ENKUR: variants seen among roughly 807,000 people sequenced by gnomAD.
ENKUR encodes the protein enkurin, TRPC channel interacting protein.
Under a neutral mutation model 27.6 loss-of-function variants are expected in ENKUR, and 19 were observed. The ratio of observed to expected loss-of-function variants is 0.69; its 90% CI spans 0.48 to 1.01. The LOEUF (loss-of-function observed/expected upper bound fraction) is 1.01. Among genes scored for constraint, ENKUR ranks in the 50% least tolerant of loss-of-function variants. The pLI, the probability that ENKUR is intolerant of heterozygous loss-of-function variation, is 0.00. For synonymous variants in ENKUR, 117 were observed against 96.9 expected (o/e 1.21, Z -1.22); for missense variants, 312 against 310.5 (o/e 1.00, Z -0.04).
At chr10:25,056,939 AC>A (rs1007790089) in intron 2 of ENKUR, among the ~76,000 whole-genome samples, 39 of 152,180 alleles carry the variant, frequency 2.6e-4, no homozygotes, top group African/African-American at 8.4e-4. Flanking sequence ...TGGAATCAAT[AC>A]CTACTGAGCA....
chr10:25,017,628 T>C (rs543798083), upstream of ENKUR, among the ~76,000 whole-genome samples: 26 of 152,248 alleles, frequency 1.7e-4, no homozygotes, highest in African/African-American at 6.0e-4. Flanking sequence ...TTTCTTTTTT[T>C]TTTTTTTGTA....
chr10:25,018,091 T>G (rs917642709), upstream of ENKUR, among the ~76,000 whole-genome samples: 1 of 152,212 alleles, frequency 6.6e-6, no homozygotes, highest in African/African-American at 2.4e-5. Context: ...ATAAAATAAT[T>G]TCACTGATGT....
intron 1 of ENKUR, among the ~76,000 whole-genome samples, chr10:25,013,562 G>A (rs1461094511): frequency 6.6e-6 from 1 of 152,206 alleles, no homozygotes; most frequent in Admixed American, 6.5e-5. Flanking sequence ...ATGGTTTCAT[G>A]GACTGTTCAG....
At chr10:25,042,205 A>G (rs533556595) in intron 2 of ENKUR, among the ~76,000 whole-genome samples, 32 of 152,120 alleles carry the variant, frequency 2.1e-4, no homozygotes, top group Middle Eastern at 6.8e-3. Flanking sequence ...TATAGGGAGA[A>G]AGAGAGAAAG....
At chr10:25,024,741 T>A (rs1313079544) in intron 2 of ENKUR, 1 of 1,614,174 alleles carries the variant, frequency 6.2e-7, no homozygotes, top group East Asian at 2.2e-5. Flanking sequence ...ATGTCTGTAT[T>A]CCCACAGGAA....
At position 24,999,464 on chromosome 10, in the gene ENKUR, CT is replaced by C. The variant is rs775919860; in HGVS notation, c.159del (p.Val54LeufsTer10). ...KTAMKTMGPA[K>X]VEVPSPKDFL... ...AAATCCTTTGGAGAAGGTACTTCAA[CT>C]TTTGCTGGTCCCATAGTTTTCATTG... On this transcript the variant is annotated frameshift_variant, in exon 2 of 6. Coordinates refer to ENST00000331161, the MANE Select transcript of ENKUR (RefSeq NM_145010.4). LOFTEE classifies it high-confidence loss of function. 33 of 1,613,198 alleles carry C rather than the reference CT, an allele frequency of 2.0e-5. No individual in the cohort carries two copies. The highest frequency in any genetic ancestry group is 2.7e-5 in the Non-Finnish European group (32 of 1,179,700).
intron 2 of ENKUR, among the ~76,000 whole-genome samples, chr10:25,045,639 G>C (rs1851113959): frequency 6.6e-6 from 1 of 152,004 alleles, no homozygotes; most frequent in Non-Finnish European, 1.5e-5. Context: ...AGACATTGTT[G>C]ACTAATAAAT....
chr10:25,014,101 C>G (rs1056169811), intron 1 of ENKUR, among the ~76,000 whole-genome samples: 1 of 152,166 alleles, frequency 6.6e-6, no homozygotes, highest in African/African-American at 2.4e-5. Context: ...AGTTCAACTG[C>G]AGAAAAGTGC....
chr10:25,031,758 T>C (rs1850937725), intron 2 of ENKUR, among the ~76,000 whole-genome samples: 2 of 151,900 alleles, frequency 1.3e-5, no homozygotes, highest in South Asian at 2.1e-4. Flanking sequence ...TTCTTTTAAA[T>C]TTTTAAATTG....
intron 2 of ENKUR, among the ~76,000 whole-genome samples, chr10:25,042,900 G>A (rs899303017): frequency 2.0e-5 from 3 of 152,042 alleles, no homozygotes; most frequent in Non-Finnish European, 4.4e-5. Context: ...TGCAGTGCAT[G>A]ATCTGAACTT....
chr10:25,055,453 C>A (rs1851243654), intron 2 of ENKUR, among the ~76,000 whole-genome samples: 1 of 150,354 alleles, frequency 6.7e-6, no homozygotes, highest in Non-Finnish European at 1.5e-5. Flanking sequence ...AAGGCCTACA[C>A]TTCCCAAACA....
At position 25,032,370 on chromosome 10, in the gene ENKUR, T is replaced by C. The variant is rs368783403; in HGVS notation, c.37+28742A>G. 3.2e-3 allele frequency among the ~76,000 whole-genome samples: 494 copies of C among 152,134 alleles called. 3 individuals carry two copies. The highest frequency in any genetic ancestry group is 4.3e-3 in the Non-Finnish European group (295 of 68,014). On this transcript the variant is annotated intron_variant, in intron 2 of 5. Transcript: ENST00000615958. ...CATGTAGATTTTTCAGTATGGAACC[T>C]CTCACTGTTTTGTGGTGTTGGCATG...
At chr10:25,023,340 T>C in intron 2 of ENKUR, 1 of 1,614,154 alleles carries the variant, frequency 6.2e-7, no homozygotes, top group South Asian at 1.1e-5. Flanking sequence ...CCTTTGCACT[T>C]GCGGAATTGA....
At chr10:25,012,075 T>G (rs1232656344) in intron 1 of ENKUR, among the ~76,000 whole-genome samples, 1 of 152,222 alleles carries the variant, frequency 6.6e-6, no homozygotes, top group Non-Finnish European at 1.5e-5. Flanking sequence ...GCTCAGGCCA[T>G]TGCTTCAGAG....
chr10:25,016,866 C>T (rs1850596866), upstream of ENKUR: 1 of 152,698 alleles, frequency 6.5e-6, no homozygotes, highest in South Asian at 2.1e-4. Flanking sequence ...CGTACCGTCC[C>T]TTCCCCTTTC....
chr10:25,054,172 A>C (rs1851219016), intron 2 of ENKUR, among the ~76,000 whole-genome samples: 1 of 152,158 alleles, frequency 6.6e-6, no homozygotes, highest in Non-Finnish European at 1.5e-5. Flanking sequence ...TATAATCCCA[A>C]CACTTTGGGA....
chr10:25,008,656 T>C (rs1386477860), intron 1 of ENKUR, among the ~76,000 whole-genome samples: 1 of 152,330 alleles, frequency 6.6e-6, no homozygotes, highest in East Asian at 1.9e-4. Context: ...AAATACACTG[T>C]TGGTGGGACT....
chr10:25,006,351 T>C (rs940845428), intron 1 of ENKUR, among the ~76,000 whole-genome samples: 17 of 152,190 alleles, frequency 1.1e-4, no homozygotes, highest in African/African-American at 3.9e-4. Context: ...CCGTGAATCC[T>C]GGAGGAAGTG....
intron 1 of ENKUR, among the ~76,000 whole-genome samples, chr10:25,001,817 G>T (rs574658336): frequency 3.9e-5 from 6 of 152,140 alleles, no homozygotes; most frequent in African/African-American, 1.4e-4. Context: ...CTTGTCTACT[G>T]ATTCTCTAAT....
Sources: allele counts gnomAD v4.1 joint callset (sites outside exome capture counted in the v4.1 genomes callset), GRCh38; gene constraint gnomAD v4.1.1; transcripts MANE v1.5; gene names NCBI Gene and HGNC (gene_info 2026-07-23, HGNC 2026-07-21).